CPNE8: variants seen among roughly 807,000 people sequenced by gnomAD.
CPNE8 encodes the protein copine-8.
In CPNE8, 45 loss-of-function variants were observed where a neutral mutation model predicts 81.5. The ratio of observed to expected loss-of-function variants is 0.55; its 90% CI spans 0.44 to 0.71. CPNE8 has a LOEUF of 0.71. Ranked by LOEUF, CPNE8 falls within the 30% of genes least tolerant of loss-of-function variation. The pLI is 0.00. For missense variants in CPNE8, 594 were observed against 672.1 expected (o/e 0.88, Z 1.28); for synonymous variants, 252 against 226.3 (o/e 1.11, Z -1.02).
At chr12:38,785,582 T>C (rs1397242732) in intron 6 of CPNE8, among the ~76,000 whole-genome samples, 1 of 152,182 alleles carries the variant, frequency 6.6e-6, no homozygotes, top group East Asian at 1.9e-4. Flanking sequence ...ATGTAAAATA[T>C]GACTTTGCTA....
intron 10 of CPNE8, among the ~76,000 whole-genome samples, chr12:38,733,156 G>A (rs561121894): frequency 6.6e-6 from 1 of 151,912 alleles, no homozygotes; most frequent in Non-Finnish European, 1.5e-5. Context: ...TATATCTGAA[G>A]AATCTGGGTA....
chr12:38,782,973 C>A (rs532526367), intron 6 of CPNE8, among the ~76,000 whole-genome samples: 7 of 152,130 alleles, frequency 4.6e-5, no homozygotes, highest in Admixed American at 3.9e-4. Flanking sequence ...AGCCACCCCA[C>A]CTTGACTACT....
chr12:38,811,835 G>A (rs1045109435), intron 6 of CPNE8, among the ~76,000 whole-genome samples: 4 of 152,210 alleles, frequency 2.6e-5, no homozygotes, highest in Non-Finnish European at 5.9e-5. Flanking sequence ...TTGTGCCACT[G>A]CATTCCCACC....
intron 6 of CPNE8, among the ~76,000 whole-genome samples, chr12:38,785,786 G>C (rs1213866741): frequency 2.6e-5 from 4 of 152,176 alleles, no homozygotes; most frequent in East Asian, 1.9e-4. Context: ...TAGAATTTAA[G>C]AGTTGTCTTT....
chr12:38,715,500 T>A (rs1475361666), intron 13 of CPNE8, among the ~76,000 whole-genome samples: 2 of 152,000 alleles, frequency 1.3e-5, no homozygotes, highest in Non-Finnish European at 2.9e-5. Context: ...CATACGCAAT[T>A]CAATAAATGT....
At chr12:38,757,414 A>G (rs1276956512) in intron 10 of CPNE8, among the ~76,000 whole-genome samples, 1 of 151,980 alleles carries the variant, frequency 6.6e-6, no homozygotes, top group African/African-American at 2.4e-5. Context: ...CATAATCATA[A>G]GCTTCATATC....
intron 6 of CPNE8, among the ~76,000 whole-genome samples, chr12:38,799,747 G>C (rs892382875): frequency 2.7e-5 from 4 of 146,742 alleles, no homozygotes; most frequent in African/African-American, 7.3e-5. Flanking sequence ...CTGAGGTACC[G>C]GGTTCATCTC....
chr12:38,682,789 C>A (rs1224183559), intron 16 of CPNE8, among the ~76,000 whole-genome samples: 3 of 152,114 alleles, frequency 2.0e-5, no homozygotes, highest in African/African-American at 4.8e-5. Context: ...AGCAGAGATT[C>A]TCTGTGACTG....
At position 38,685,536 on chromosome 12, in the gene CPNE8, G is replaced by A; in HGVS notation, c.1225C>T (p.Leu409=). ...AYYRSLKSVQ[L]YGPTNFAPVI... ...GGAGCAAAGTTGGTGGGCCCATATA[G>A]TTGTACAGATTTCAGACTCCTGTAA... Residue 409 remains leucine (L), a synonymous_variant, in exon 16 of 20, where the codon CTA becomes TTA. Transcript: ENST00000331366. The A allele has an allele frequency of 2.5e-6, 4 of 1,613,502 alleles. No homozygotes were observed. Among genetic ancestry groups the A allele is most frequent in the Non-Finnish European group, 3.4e-6 (4 of 1,179,602 alleles).
At chr12:38,673,103 T>A (rs1258028262) in intron 18 of CPNE8, among the ~76,000 whole-genome samples, 1 of 152,126 alleles carries the variant, frequency 6.6e-6, no homozygotes, top group Non-Finnish European at 1.5e-5. Flanking sequence ...AGTGAGTGAA[T>A]TCTCACAAGA....
chr12:38,847,630 T>C (rs1377560608), intron 4 of CPNE8, among the ~76,000 whole-genome samples: 1 of 152,166 alleles, frequency 6.6e-6, no homozygotes, highest in Non-Finnish European at 1.5e-5. Context: ...GAAGCTAGTA[T>C]AAGATCTTTT....
chr12:38,712,425 C>T (rs1940283157), intron 13 of CPNE8, among the ~76,000 whole-genome samples: 1 of 152,042 alleles, frequency 6.6e-6, no homozygotes, highest in African/African-American at 2.4e-5. Flanking sequence ...ATTGTCCAGG[C>T]TGGTCTCACA....
chr12:38,692,375 C>T (rs1939697367), intron 15 of CPNE8, among the ~76,000 whole-genome samples: 1 of 151,960 alleles, frequency 6.6e-6, no homozygotes, highest in African/African-American at 2.4e-5. Flanking sequence ...TATCCCTTAG[C>T]TGAAACCAGG....
At chr12:38,824,557 C>A (rs1943158560) in intron 6 of CPNE8, among the ~76,000 whole-genome samples, 1 of 144,404 alleles carries the variant, frequency 6.9e-6, no homozygotes. Flanking sequence ...TTAAGTTAGG[C>A]CATTTAAAGG....
intron 17 of CPNE8, among the ~76,000 whole-genome samples, chr12:38,675,975 G>T (rs1444506121): frequency 6.6e-6 from 1 of 151,782 alleles, no homozygotes; most frequent in African/African-American, 2.4e-5. Context: ...AATTAGCCAG[G>T]TGTGGTGGTG....
intron 1 of CPNE8, among the ~76,000 whole-genome samples, chr12:38,904,296 T>C (rs943584787): frequency 6.6e-6 from 1 of 152,092 alleles, no homozygotes; most frequent in Non-Finnish European, 1.5e-5. Flanking sequence ...GGGTCAATAT[T>C]AATTCGCAAA....
intron 10 of CPNE8, among the ~76,000 whole-genome samples, chr12:38,743,904 T>C (rs570417768): frequency 6.6e-6 from 1 of 152,326 alleles, no homozygotes; most frequent in South Asian, 2.1e-4. Context: ...TGAATTTTTA[T>C]TGGCAGTGAC....
intron 10 of CPNE8, among the ~76,000 whole-genome samples, chr12:38,746,752 T>C (rs1288261602): frequency 6.6e-6 from 1 of 152,226 alleles, no homozygotes; most frequent in African/African-American, 2.4e-5. Context: ...GCAGGTATTA[T>C]CTTAATTTTT....
chr12:38,750,748 AC>A (rs1182895852), intron 10 of CPNE8, among the ~76,000 whole-genome samples: 1 of 152,206 alleles, frequency 6.6e-6, no homozygotes, highest in Non-Finnish European at 1.5e-5. Context: ...GGCAGAAGGG[AC>A]TTGCCTTGTC....
Sources: gnomAD v4.1 joint callset for allele counts (sites outside exome capture counted in the v4.1 genomes callset) on GRCh38, gnomAD v4.1.1 for gene constraint, MANE v1.5 for transcripts, NCBI Gene and HGNC (gene_info 2026-07-23, HGNC 2026-07-21) for gene names.